Variants in SEPTIN7 observed in about 807,000 individuals in gnomAD.
The protein encoded by SEPTIN7 is septin 7.
A neutral mutation model predicts 63.3 loss-of-function variants in SEPTIN7; 10 were observed. That is an observed-to-expected ratio of 0.16 (90% CI 0.10 to 0.27). The LOEUF (loss-of-function observed/expected upper bound fraction) is 0.27, where lower values mean the gene tolerates loss of function less well. SEPTIN7 is among the 10% of genes least tolerant of loss of function. The probability of loss-of-function intolerance (pLI) is 1.00; values close to 1 mark genes in which losing one functional copy is unlikely to be tolerated. For missense variants in SEPTIN7, 310 were observed against 521.0 expected (o/e 0.59, Z 3.94); for synonymous variants, 131 against 165.3 (o/e 0.79, Z 1.59).
At chr7:35,901,891 T>C (rs1254272483) in intron 12 of SEPTIN7, 1 of 152,152 alleles carries the variant, frequency 6.6e-6, no homozygotes, top group African/African-American at 2.4e-5. Context: ...CAGGAAGATA[T>C]CACCTCAGAT....
At chr7:35,876,798 G>GT (rs1402759724) in intron 6 of SEPTIN7, among the ~76,000 whole-genome samples, 1 of 151,996 alleles carries the variant, frequency 6.6e-6, no homozygotes, top group African/African-American at 2.4e-5. Flanking sequence ...GTGAAACCTC[G>GT]TCTCTACTAA....
rs1480526172 is a variant in SEPTIN7 at position 35,906,083 on chromosome 7, G to A, written c.*1790G>A. On this transcript the variant is annotated 3_prime_UTR_variant, in exon 14 of 14. Transcript: ENST00000350320. ...TAACACCTCTAGCCAAAATTGTTTG[G>A]TTTTAGGGAGGCTAACAATAACCTA... 1.3e-5 allele frequency: 2 copies of A among 152,090 alleles called. No homozygotes were observed. Among genetic ancestry groups the A allele is most frequent in the African/African-American group, 4.8e-5 (2 of 41,428 alleles). 9.4% of individuals were successfully genotyped at this position (152,090 alleles called of 1,614,324 possible).
chr7:35,911,698 C>T (rs1161097298), downstream of SEPTIN7, among the ~76,000 whole-genome samples: 5 of 152,152 alleles, frequency 3.3e-5, no homozygotes, highest in East Asian at 9.6e-4. Context: ...GACACCTCAA[C>T]CTCAAATGAT....
intron 10 of SEPTIN7, among the ~76,000 whole-genome samples, chr7:35,887,619 T>A (rs1787341655): frequency 1.3e-5 from 2 of 152,176 alleles, no homozygotes; most frequent in Admixed American, 6.5e-5. Flanking sequence ...AGTGCTGGGA[T>A]TACGGGCTTG....
In SEPTIN7 at chr7:35,801,161, A is replaced by T; in HGVS notation, c.-49A>T. The stretch of plus-strand genomic sequence containing the variant: ...GGAATCGGCGTAGGCGCCTTTGGAG[A>T]ATCGGCGGGCTGCGCTCCGCTGGGG... On this transcript the variant is annotated 5_prime_UTR_variant, in exon 1 of 14. Coordinates refer to ENST00000350320, the MANE Select transcript of SEPTIN7 (RefSeq NM_001788.6). 1 of 1,440,482 alleles carries T rather than the reference A, an allele frequency of 6.9e-7. No individual in the cohort carries two copies. Among genetic ancestry groups the T allele is most frequent in the African/African-American group, 1.5e-5 (1 of 67,018 alleles). The allele number at this position is 1,440,482 out of a possible 1,614,324, so 89.2% of individuals were successfully genotyped here.
chr7:35,856,753 G>A (rs1411820727), intron 3 of SEPTIN7, among the ~76,000 whole-genome samples: 2 of 152,158 alleles, frequency 1.3e-5, no homozygotes, highest in African/African-American at 4.8e-5. Flanking sequence ...CTCAAGGTGG[G>A]GAGATGGTCT....
intron 11 of SEPTIN7, among the ~76,000 whole-genome samples, chr7:35,897,353 G>A (rs57231881): frequency 5.0e-4 from 76 of 152,222 alleles, no homozygotes; most frequent in African/African-American, 1.7e-3. Flanking sequence ...CTCCTGGGCT[G>A]AAAGCACTAG....
rs572997172 is a variant in SEPTIN7, at chr7:35,905,155, A to G, written c.*862A>G. ...TAATGACCAACCTGTTTCTACCTAT[A>G]TGCAGTCTCTTTATTTTACTAGAAA... On this transcript the variant is annotated 3_prime_UTR_variant, in exon 14 of 14. Coordinates refer to ENST00000350320, the MANE Select transcript of SEPTIN7 (RefSeq NM_001788.6). The G allele has an allele frequency of 6.5e-6, 1 of 152,736 alleles. No individual in the cohort carries two copies. Among genetic ancestry groups the G allele is most frequent in the East Asian group, 1.9e-4 (1 of 5,190 alleles). 9.5% of individuals were successfully genotyped at this position (152,736 alleles called of 1,614,324 possible).
At chr7:35,808,193 A>G (rs1465432772) in intron 1 of SEPTIN7, among the ~76,000 whole-genome samples, 1 of 151,540 alleles carries the variant, frequency 6.6e-6, no homozygotes, top group Admixed American at 6.6e-5. Flanking sequence ...AAACAGAGAG[A>G]TACAGTGAAA....
chr7:35,846,303 G>T (rs1445086846), intron 3 of SEPTIN7, among the ~76,000 whole-genome samples: 2 of 152,072 alleles, frequency 1.3e-5, no homozygotes, highest in South Asian at 4.1e-4. Flanking sequence ...GACCTGGAAG[G>T]TCTCCCTCTG....
intron 1 of SEPTIN7, among the ~76,000 whole-genome samples, chr7:35,809,906 T>C (rs1788586069): frequency 6.6e-6 from 1 of 152,136 alleles, no homozygotes. Flanking sequence ...GGACTAAAAA[T>C]TGGTCAGAAG....
intron 1 of SEPTIN7, among the ~76,000 whole-genome samples, chr7:35,821,159 G>A (rs1054802922): frequency 1.3e-5 from 2 of 152,118 alleles, no homozygotes; most frequent in Admixed American, 1.3e-4. Flanking sequence ...GATGACAATG[G>A]GCAAGTTAAA....
intron 4 of SEPTIN7, among the ~76,000 whole-genome samples, chr7:35,872,360 T>G (rs182568469): frequency 1.4e-4 from 21 of 152,308 alleles, no homozygotes; most frequent in Non-Finnish European, 2.8e-4. Flanking sequence ...GTATTACATG[T>G]CTTTAGTGGT....
At chr7:35,831,468 G>A in intron 1 of SEPTIN7, 24 bp from the exon 2 acceptor site, 1 of 476,308 alleles carries the variant, frequency 2.1e-6, no homozygotes. Flanking sequence ...ACACTGGAAT[G>A]ATGGAAATGT....
At chr7:35,826,227 A>C (rs1783506930) in intron 1 of SEPTIN7, among the ~76,000 whole-genome samples, 1 of 151,990 alleles carries the variant, frequency 6.6e-6, no homozygotes, top group African/African-American at 2.4e-5. Flanking sequence ...ATATCTGTGT[A>C]TGATATAAGG....
intron 10 of SEPTIN7, among the ~76,000 whole-genome samples, chr7:35,888,494 T>G (rs576568149): frequency 2.3e-3 from 345 of 152,214 alleles, no homozygotes; most frequent in African/African-American, 7.9e-3. Context: ...TAACGATTTT[T>G]CAGTGATGCA....
chr7:35,900,861 A>G (rs1346344070), intron 12 of SEPTIN7: 2 of 152,156 alleles, frequency 1.3e-5, no homozygotes, highest in African/African-American at 4.8e-5. Flanking sequence ...CTCTGGGCCA[A>G]GGTTCCCACC....
chr7:35,876,051 T>C (rs1269588633), intron 6 of SEPTIN7, among the ~76,000 whole-genome samples: 3 of 152,196 alleles, frequency 2.0e-5, no homozygotes, highest in Non-Finnish European at 4.4e-5. Context: ...TTTTGTAGGC[T>C]TCTGAAATTT....
intron 1 of SEPTIN7, among the ~76,000 whole-genome samples, chr7:35,805,165 A>C (rs557239629): frequency 4.6e-5 from 7 of 152,160 alleles, no homozygotes; most frequent in Non-Finnish European, 8.8e-5. Flanking sequence ...TATAGATGTG[A>C]GCCATCACGC....
Sources: allele counts gnomAD v4.1 joint callset (sites outside exome capture counted in the v4.1 genomes callset), GRCh38; gene constraint gnomAD v4.1.1; transcripts MANE v1.5; gene names NCBI Gene and HGNC (gene_info 2026-07-23, HGNC 2026-07-21).